MCC: variants seen among roughly 807,000 people sequenced by gnomAD.
MCC encodes the protein colorectal mutant cancer protein.
In MCC, 90 loss-of-function variants were observed where a neutral mutation model predicts 116.2. The observed-to-expected ratio is 0.77, with a 90% CI of 0.65 to 0.92. The LOEUF (loss-of-function observed/expected upper bound fraction) is 0.92, where lower values mean the gene tolerates loss of function less well. Ranked by LOEUF, MCC falls within the 40% of genes least tolerant of loss-of-function variation. The pLI is 0.00. For synonymous variants in MCC, 578 were observed against 510.5 expected, an observed-to-expected ratio of 1.13 and a Z score of -1.78; for missense variants, 1,516 against 1,312.2, an observed-to-expected ratio of 1.16 and a Z score of -2.40.
intron 1 of MCC, among the ~76,000 whole-genome samples, chr5:113,467,007 C>G (rs1771928625): frequency 1.3e-5 from 2 of 151,912 alleles, no homozygotes; most frequent in Non-Finnish European, 2.9e-5. Context: ...TGTTCATATC[C>G]TTTGCCCACT....
intron 5 of MCC, among the ~76,000 whole-genome samples, chr5:113,124,618 A>G (rs1757936686): frequency 1.3e-5 from 2 of 152,358 alleles, no homozygotes; most frequent in South Asian, 2.1e-4. Context: ...TCTAGAGATT[A>G]CTAGGATGAA....
In MCC at chr5:113,027,410, C is replaced by T; in HGVS notation, c.2952G>A (p.Met984Ile). ...QNKLKKLESQ[M>I]MAMVERHETQ... Reference sequence around the variant, plus strand: ...TCTCATGTCTCTCCACCATGGCCATCATCTGCGACTCTAACTTCTTCAGTT... The same window carrying T: ...TCTCATGTCTCTCCACCATGGCCATTATCTGCGACTCTAACTTCTTCAGTT... Residue 984 changes from methionine (M) to isoleucine (I), a missense_variant, in exon 19 of 19, where the codon ATG becomes ATA. Physicochemically the swap from Met to Ile is conservative, Grantham distance 10. Transcript: ENST00000408903. 1 of 1,614,236 alleles carries T rather than the reference C, an allele frequency of 6.2e-7. No individual in the cohort carries two copies. Among genetic ancestry groups the T allele is most frequent in the East Asian group, 2.2e-5 (1 of 44,894 alleles).
At chr5:113,375,485 A>C (rs1768959310) in intron 2 of MCC, among the ~76,000 whole-genome samples, 1 of 152,224 alleles carries the variant, frequency 6.6e-6, no homozygotes. Flanking sequence ...AAACAGCAAC[A>C]ATTTACTGTT....
intron 3 of MCC, among the ~76,000 whole-genome samples, chr5:113,169,804 G>C (rs765983387): frequency 1.6e-4 from 25 of 152,110 alleles, no homozygotes; most frequent in Non-Finnish European, 3.2e-4. Flanking sequence ...ACAATCAGAG[G>C]GCTGTCTAGA....
chr5:113,398,967 T>C (rs1228292082), intron 1 of MCC, among the ~76,000 whole-genome samples: 4 of 152,200 alleles, frequency 2.6e-5, no homozygotes, highest in Admixed American at 2.6e-4. Context: ...TGTTTAAGTT[T>C]ACATTTAAAT....
chr5:113,305,294 C>G (rs1383959459), intron 3 of MCC, among the ~76,000 whole-genome samples: 1 of 152,164 alleles, frequency 6.6e-6, no homozygotes, highest in Admixed American at 6.5e-5. Flanking sequence ...ATCACATGAG[C>G]TCAAACTTCC....
chr5:113,407,861 T>C (rs924641048), intron 1 of MCC, among the ~76,000 whole-genome samples: 5 of 152,186 alleles, frequency 3.3e-5, no homozygotes, highest in African/African-American at 1.2e-4. Context: ...CGTGTTTGCA[T>C]TGTTCAACTC....
chr5:113,342,460 A>G (rs1307618201), intron 2 of MCC, among the ~76,000 whole-genome samples: 1 of 152,252 alleles, frequency 6.6e-6, no homozygotes, highest in African/African-American at 2.4e-5. Context: ...TAGAGCAGCT[A>G]GTATTACCTT....
At chr5:113,402,726 C>A (rs1769727678) in intron 1 of MCC, among the ~76,000 whole-genome samples, 1 of 152,072 alleles carries the variant, frequency 6.6e-6, no homozygotes, top group African/African-American at 2.4e-5. Flanking sequence ...GGCTTGTAGT[C>A]TGATTACAGA....
chr5:113,349,369 T>C (rs1405949118), intron 2 of MCC, among the ~76,000 whole-genome samples: 1 of 152,074 alleles, frequency 6.6e-6, no homozygotes, highest in East Asian at 1.9e-4. Flanking sequence ...GGATTTATCC[T>C]GTGGAAGCAA....
intron 8 of MCC, among the ~76,000 whole-genome samples, chr5:113,089,820 A>T (rs149586280): frequency 6.6e-6 from 1 of 152,238 alleles, no homozygotes; most frequent in South Asian, 2.1e-4. Flanking sequence ...CAAAACACCC[A>T]AACTTGTAGC....
rs559998316 is a variant in MCC, at chr5:113,210,078, T to C, written c.628-58656A>G. ...ACCGCAGCCATAATGTGATATACCC[T>C]ATGACATTCATTAGGCTCTTGTAGC... On this transcript the variant is annotated intron_variant, in intron 3 of 18. Coordinates refer to ENST00000408903, the MANE Select transcript of MCC (RefSeq NM_001085377.2). Among the ~76,000 whole-genome samples, 47 of 152,274 alleles carry C rather than the reference T, an allele frequency of 3.1e-4. 1 individual carries two copies. In the Middle Eastern group the frequency reaches 0.01, roughly 33 times the overall value.
At chr5:113,359,251 T>C (rs899106532) in intron 2 of MCC, among the ~76,000 whole-genome samples, 5 of 152,118 alleles carry the variant, frequency 3.3e-5, no homozygotes, top group Non-Finnish European at 7.3e-5. Flanking sequence ...CAACTCCCTC[T>C]CCCCTTCCCC....
intron 3 of MCC, among the ~76,000 whole-genome samples, chr5:113,169,825 C>T (rs773865194): frequency 2.0e-5 from 3 of 152,178 alleles, no homozygotes; most frequent in South Asian, 2.1e-4. Flanking sequence ...AAACAAAATG[C>T]CTCATTTCTT....
intron 1 of MCC, among the ~76,000 whole-genome samples, chr5:113,483,037 G>T (rs1394061505): frequency 6.6e-6 from 1 of 151,976 alleles, no homozygotes; most frequent in African/African-American, 2.4e-5. Flanking sequence ...CCTTGACCTT[G>T]GCATTCTTAA....
chr5:113,186,819 T>A (rs776085109), intron 3 of MCC, among the ~76,000 whole-genome samples: 16 of 152,132 alleles, frequency 1.1e-4, no homozygotes, highest in South Asian at 2.1e-4. Flanking sequence ...CTCAACCACA[T>A]GCAAGTTTGT....
intron 3 of MCC, among the ~76,000 whole-genome samples, chr5:113,251,217 A>C (rs1764787183): frequency 6.6e-6 from 1 of 152,248 alleles, no homozygotes; most frequent in South Asian, 2.1e-4. Context: ...ATTGTAAGAA[A>C]TATTTACATC....
chr5:113,131,876 G>A (rs528714852), intron 5 of MCC, among the ~76,000 whole-genome samples: 2 of 152,274 alleles, frequency 1.3e-5, no homozygotes, highest in Non-Finnish European at 2.9e-5. Context: ...ATGGTATCAA[G>A]TGCCAGACAA....
intron 3 of MCC, among the ~76,000 whole-genome samples, chr5:113,242,603 C>A (rs1315721365): frequency 6.6e-6 from 1 of 151,930 alleles, no homozygotes; most frequent in Non-Finnish European, 1.5e-5. Context: ...AATGAAGCAG[C>A]TGCCCAAAAA....
Sources: allele counts gnomAD v4.1 joint callset (sites outside exome capture counted in the v4.1 genomes callset), GRCh38; gene constraint gnomAD v4.1.1; transcripts MANE v1.5; gene names NCBI Gene and HGNC (gene_info 2026-07-23, HGNC 2026-07-21).